GADL1: variants seen among roughly 807,000 people sequenced by gnomAD.
The protein encoded by GADL1 is GAD like acidic amino acid decarboxylase 1, also known as acidic amino acid decarboxylase GADL1.
GADL1 carries 71 observed loss-of-function variants against 69.5 expected under a neutral mutation model. The ratio of observed to expected loss-of-function variants is 1.02; its 90% CI spans 0.84 to 1.25. The LOEUF (loss-of-function observed/expected upper bound fraction) is 1.25, where lower values mean the gene tolerates loss of function less well. Among genes scored for constraint, GADL1 ranks in the 50% most tolerant of loss-of-function variants. GADL1 has a pLI of 0.00. For missense variants in GADL1, 737 were observed against 631.8 expected, an observed-to-expected ratio of 1.17 and a Z score of -1.79; for synonymous variants, 254 against 214.4, an observed-to-expected ratio of 1.18 and a Z score of -1.62.
At chr3:30,874,007 G>C (rs1698539836) in intron 1 of GADL1, among the ~76,000 whole-genome samples, 1 of 152,008 alleles carries the variant, frequency 6.6e-6, no homozygotes, top group South Asian at 2.1e-4. Context: ...CTTTCCAAGG[G>C]GTACATTTAA....
At chr3:30,825,603 G>T (rs374946574) in intron 11 of GADL1, among the ~76,000 whole-genome samples, 16 of 151,990 alleles carry the variant, frequency 1.1e-4, no homozygotes, top group African/African-American at 3.6e-4. Context: ...TTTATTCCAA[G>T]AACTCAAAAG....
chr3:30,855,423 G>T (rs1168090163), intron 3 of GADL1, among the ~76,000 whole-genome samples: 1 of 151,908 alleles, frequency 6.6e-6, no homozygotes. Flanking sequence ...TTCACTCACA[G>T]CAGAGTTCAC....
At chr3:30,877,032 C>G (rs1698585339) in intron 1 of GADL1, among the ~76,000 whole-genome samples, 1 of 151,794 alleles carries the variant, frequency 6.6e-6, no homozygotes, top group South Asian at 2.1e-4. Context: ...CCCAATGGAC[C>G]AGAAAGACAC....
intron 11 of GADL1, among the ~76,000 whole-genome samples, chr3:30,815,092 G>A (rs768777866): frequency 3.3e-5 from 5 of 152,150 alleles, no homozygotes; most frequent in African/African-American, 4.8e-5. Context: ...TTGCCTTTCT[G>A]GATTTGAGAA....
chr3:30,741,111 AGTAT>A (rs60100282), intron 14 of GADL1, among the ~76,000 whole-genome samples: 5 of 40,264 alleles, frequency 1.2e-4, no homozygotes, highest in Admixed American at 5.5e-4. Flanking sequence ...ATGTATTCCT[AGTAT>A]ATATATATAT....
intron 1 of GADL1, among the ~76,000 whole-genome samples, chr3:30,882,625 A>T (rs926729450): frequency 9.9e-5 from 15 of 151,956 alleles, no homozygotes; most frequent in African/African-American, 3.6e-4. Flanking sequence ...GCTTCTATGA[A>T]CATTGGTGTG....
intron 14 of GADL1, among the ~76,000 whole-genome samples, chr3:30,743,126 T>C (rs13060410): frequency 0.22 from 32,936 of 152,016 alleles, 4,317 homozygotes; most frequent in Non-Finnish European, 0.29. Flanking sequence ...AATAATCCTC[T>C]CATCTTTTAA....
rs58924756 is a variant in GADL1, at chr3:30,726,484, A to AACACACACACAC, written c.*1746_*1757dup. 6.7e-6 allele frequency: 1 copy of AACACACACACAC among 149,168 alleles called. No homozygotes were observed. Among genetic ancestry groups the AACACACACACAC allele is most frequent in the Non-Finnish European group, 1.5e-5 (1 of 67,000 alleles). The allele number at this position is 149,168 out of a possible 1,614,324, so 9.2% of individuals were successfully genotyped here. A position where few individuals can be genotyped will look rare whatever the true frequency, so the allele number is the denominator to read the frequency against. On this transcript the variant is annotated 3_prime_UTR_variant, in exon 15 of 15. Transcript: ENST00000282538. ...AAAAGGCAACAAGAAATGCAAAATA[A>AACACACACACAC]ACACACACACACACACACACACACC...
At chr3:30,880,018 G>A in intron 1 of GADL1, among the ~76,000 whole-genome samples, 1 of 138,856 alleles carries the variant, frequency 7.2e-6, no homozygotes, top group Admixed American at 7.9e-5. Context: ...AGACACTGCT[G>A]GCATAAAGGA....
At chr3:30,850,618 A>G (rs1390555131) in intron 5 of GADL1, among the ~76,000 whole-genome samples, 1 of 152,180 alleles carries the variant, frequency 6.6e-6, no homozygotes, top group African/African-American at 2.4e-5. Context: ...TAAATCCTAA[A>G]CTGTAGGCAC....
At chr3:30,891,651 TAAA>T (rs11462622) in intron 1 of GADL1, among the ~76,000 whole-genome samples, 1 of 144,776 alleles carries the variant, frequency 6.9e-6, no homozygotes, top group Admixed American at 6.9e-5. Context: ...TTCCTTAAAA[TAAA>T]AAAAAAAATA....
At chr3:30,803,537 C>T (rs72849818) in intron 11 of GADL1, among the ~76,000 whole-genome samples, 8,687 of 152,182 alleles carry the variant, frequency 0.057, 577 homozygotes, top group South Asian at 0.15. Flanking sequence ...AGGGAGAGGA[C>T]GCTCATCCAT....
chr3:30,757,539 C>T (rs1274433488), intron 14 of GADL1, among the ~76,000 whole-genome samples: 1 of 152,198 alleles, frequency 6.6e-6, no homozygotes, highest in African/African-American at 2.4e-5. Flanking sequence ...TAATGTAATG[C>T]TATTAGTAAA....
At chr3:30,823,336 T>C (rs921777011) in intron 11 of GADL1, among the ~76,000 whole-genome samples, 10 of 151,936 alleles carry the variant, frequency 6.6e-5, no homozygotes, top group African/African-American at 2.4e-4. Flanking sequence ...CTAGCAGATA[T>C]CCTAAAGACT....
chr3:30,843,636 C>T (rs1443916331), intron 8 of GADL1, among the ~76,000 whole-genome samples: 2 of 152,220 alleles, frequency 1.3e-5, no homozygotes, highest in Non-Finnish European at 2.9e-5. Flanking sequence ...CATGCCTTGC[C>T]TTCTCCAATA....
chr3:30,881,119 T>G (rs1317779469), intron 1 of GADL1, among the ~76,000 whole-genome samples: 1 of 151,946 alleles, frequency 6.6e-6, no homozygotes, highest in African/African-American at 2.4e-5. Context: ...ACCTCACAAT[T>G]CTGTTTATAT....
At chr3:30,795,911 T>C (rs917933198) in intron 12 of GADL1, among the ~76,000 whole-genome samples, 1 of 152,190 alleles carries the variant, frequency 6.6e-6, no homozygotes, top group African/African-American at 2.4e-5. Context: ...ATTTTTCAAA[T>C]ACTTAAACAT....
intron 8 of GADL1, among the ~76,000 whole-genome samples, chr3:30,843,284 C>G (rs1415143605): frequency 3.6e-5 from 5 of 140,490 alleles, no homozygotes; most frequent in Non-Finnish European, 6.0e-5. Flanking sequence ...GAGATGGAGT[C>G]TTACTCTGTC....
chr3:30,885,440 AAAGT>A (rs1425160122), intron 1 of GADL1, among the ~76,000 whole-genome samples: 13 of 152,140 alleles, frequency 8.5e-5, no homozygotes, highest in African/African-American at 2.7e-4. Context: ...AGCCTGGCCT[AAAGT>A]AAGTGAGAAA....
Sources: allele counts gnomAD v4.1 joint callset (sites outside exome capture counted in the v4.1 genomes callset), GRCh38; gene constraint gnomAD v4.1.1; transcripts MANE v1.5; gene names NCBI Gene and HGNC (gene_info 2026-07-23, HGNC 2026-07-21).